The following STXBP5L variants were observed in gnomAD, a reference collection of about 807,000 sequenced individuals.
STXBP5L encodes the protein syntaxin binding protein 5L.
Under a neutral mutation model 144.5 loss-of-function variants are expected in STXBP5L, and 65 were observed. The ratio of observed to expected loss-of-function variants is 0.45; its 90% CI spans 0.37 to 0.55. The LOEUF is 0.55. Among genes scored for constraint, STXBP5L ranks in the 20% least tolerant of loss-of-function variants. The pLI, the probability that STXBP5L is intolerant of heterozygous loss-of-function variation, is 0.00. For synonymous variants in STXBP5L, 505 were observed against 469.6 expected (o/e 1.08, Z -0.97); for missense variants, 1,298 against 1,405.5 (o/e 0.92, Z 1.22).
chr3:121,391,997 T>C (rs1282425874), intron 22 of STXBP5L, among the ~76,000 whole-genome samples: 1 of 152,216 alleles, frequency 6.6e-6, no homozygotes, highest in Non-Finnish European at 1.5e-5. Context: ...TTTTCAGCTA[T>C]GCCCTGCCCA....
At chr3:121,257,091 T>C in intron 16 of STXBP5L, 70 bp from the exon 17 acceptor site, 1 of 1,184,926 alleles carries the variant, frequency 8.4e-7, no homozygotes, top group Non-Finnish European at 1.2e-6. Context: ...TTATTTATTA[T>C]GACTTAGATT....
intron 3 of STXBP5L, among the ~76,000 whole-genome samples, chr3:120,978,253 C>A (rs1227176207): frequency 6.6e-6 from 1 of 152,226 alleles, no homozygotes; most frequent in East Asian, 1.9e-4. Flanking sequence ...TCTTTTTATT[C>A]TTTTTTCTCT....
At chr3:121,072,228 GCAGA>G (rs1162796782) in intron 5 of STXBP5L, among the ~76,000 whole-genome samples, 1 of 152,202 alleles carries the variant, frequency 6.6e-6, no homozygotes, top group African/African-American at 2.4e-5. Flanking sequence ...CTGAGAAAGT[GCAGA>G]CAAACACTAG....
intron 5 of STXBP5L, among the ~76,000 whole-genome samples, chr3:121,047,598 A>G (rs968958604): frequency 6.6e-6 from 1 of 152,154 alleles, no homozygotes; most frequent in Admixed American, 6.5e-5. Context: ...ACCCTTTACC[A>G]TTACGTAATG....
At chr3:121,124,516 T>C (rs2044615430) in intron 7 of STXBP5L, among the ~76,000 whole-genome samples, 1 of 152,012 alleles carries the variant, frequency 6.6e-6, no homozygotes, top group South Asian at 2.1e-4. Flanking sequence ...CTAGCTCAAT[T>C]CGATAAGTAC....
intron 3 of STXBP5L, 56 bp downstream of exon 3, chr3:120,955,093 A>G: frequency 8.1e-7 from 1 of 1,227,224 alleles, no homozygotes; most frequent in East Asian, 2.4e-5. Flanking sequence ...ACATTTCTTT[A>G]AATATTCAGG....
chr3:121,010,088 T>C (rs1213120670), intron 3 of STXBP5L, among the ~76,000 whole-genome samples: 5 of 151,892 alleles, frequency 3.3e-5, no homozygotes, highest in Admixed American at 3.3e-4. Flanking sequence ...TCTGCTATGA[T>C]TCATATCATT....
At chr3:120,915,457 A>G (rs1009830311) in intron 2 of STXBP5L, among the ~76,000 whole-genome samples, 3 of 152,140 alleles carry the variant, frequency 2.0e-5, no homozygotes, top group Admixed American at 2.0e-4. Context: ...TATCAAGTAG[A>G]AGCCCTGCTT....
At chr3:121,399,619 T>C (rs985678833) in intron 22 of STXBP5L, among the ~76,000 whole-genome samples, 2 of 152,234 alleles carry the variant, frequency 1.3e-5, no homozygotes, top group African/African-American at 4.8e-5. Flanking sequence ...AAGGAATAAG[T>C]TGGGCTAGTT....
chr3:120,943,018 A>G (rs1710648178), intron 2 of STXBP5L, among the ~76,000 whole-genome samples: 3 of 151,730 alleles, frequency 2.0e-5, no homozygotes, highest in Non-Finnish European at 4.4e-5. Context: ...ATGTCAATAC[A>G]AATCCTTATT....
intron 22 of STXBP5L, among the ~76,000 whole-genome samples, chr3:121,388,234 TG>T (rs1265662566): frequency 6.6e-6 from 1 of 152,244 alleles, no homozygotes; most frequent in East Asian, 1.9e-4. Context: ...CTGTGATTTT[TG>T]CACGTTGATT....
intron 3 of STXBP5L, among the ~76,000 whole-genome samples, chr3:120,981,496 A>G (rs923087922): frequency 2.0e-5 from 3 of 151,968 alleles, no homozygotes; most frequent in African/African-American, 7.2e-5. Flanking sequence ...TGATCTCTAT[A>G]TTGTGGTTCC....
chr3:121,018,403 C>T lies in STXBP5L; in HGVS notation c.288-23297C>T, dbSNP rs192224230. Among the ~76,000 whole-genome samples, 923 of 151,450 alleles carry T rather than the reference C, an allele frequency of 6.1e-3. 7 individuals are homozygous for T. The highest frequency in any genetic ancestry group is 0.013 in the Admixed American group (201 of 15,188). ...GATCAATGATACAAAATAGGTAACA[C>T]CAAAATAGATCTGTATAAATACAAT... On this transcript the variant is annotated intron_variant, in intron 3 of 26. Transcript: ENST00000471454.
At chr3:121,171,524 T>C (rs373228329) in intron 9 of STXBP5L, among the ~76,000 whole-genome samples, 2 of 152,122 alleles carry the variant, frequency 1.3e-5, no homozygotes, top group Non-Finnish European at 1.5e-5. Context: ...GAATACAAAA[T>C]CAATGTGCTA....
intron 4 of STXBP5L, among the ~76,000 whole-genome samples, chr3:121,044,460 A>C (rs779621165): frequency 3.9e-5 from 6 of 152,190 alleles, no homozygotes. Flanking sequence ...GATATCTGTG[A>C]TTGATACTGT....
chr3:121,023,539 A>G (rs1221899598), intron 3 of STXBP5L, among the ~76,000 whole-genome samples: 1 of 152,232 alleles, frequency 6.6e-6, no homozygotes, highest in East Asian at 1.9e-4. Flanking sequence ...TGGTATAAAA[A>G]TAGTTATGTA....
chr3:121,024,943 C>T (rs762803015), intron 3 of STXBP5L, among the ~76,000 whole-genome samples: 20 of 152,114 alleles, frequency 1.3e-4, no homozygotes, highest in Non-Finnish European at 2.8e-4. Flanking sequence ...ATGCTTAGAA[C>T]AGTATCATTC....
intron 5 of STXBP5L, among the ~76,000 whole-genome samples, chr3:121,100,335 A>G (rs745389709): frequency 2.6e-5 from 4 of 152,176 alleles, no homozygotes; most frequent in Admixed American, 6.6e-5. Flanking sequence ...TCCAAACTTG[A>G]CCACATCCTG....
intron 16 of STXBP5L, among the ~76,000 whole-genome samples, chr3:121,255,563 T>A (rs1237954568): frequency 6.6e-6 from 1 of 152,024 alleles, no homozygotes; most frequent in Non-Finnish European, 1.5e-5. Flanking sequence ...AGTTATTGAT[T>A]TATTTTTGTA....
Sources: allele counts gnomAD v4.1 joint callset (sites outside exome capture counted in the v4.1 genomes callset), GRCh38; gene constraint gnomAD v4.1.1; transcripts MANE v1.5; gene names NCBI Gene and HGNC (gene_info 2026-07-23, HGNC 2026-07-21).